The following PWWP2A variants were observed in gnomAD, a reference collection of about 807,000 sequenced individuals.
PWWP2A encodes the protein PWWP domain-containing protein 2A.
Under a neutral mutation model 48.5 loss-of-function variants are expected in PWWP2A, and 18 were observed. The observed-to-expected ratio is 0.37, with a 90% confidence interval of 0.26 to 0.55. The LOEUF (loss-of-function observed/expected upper bound fraction) is 0.55. Among genes scored for constraint, PWWP2A ranks in the 20% least tolerant of loss-of-function variants. The pLI is 0.81. For missense variants in PWWP2A, 867 were observed against 976.4 expected, an observed-to-expected ratio of 0.89 and a Z score of 1.49; for synonymous variants, 396 against 387.7, an observed-to-expected ratio of 1.02 and a Z score of -0.25.
At position 160,118,794 on chromosome 5, in the gene PWWP2A, G is replaced by T; in HGVS notation, c.584+11C>A. 6.9e-7 allele frequency: 1 copy of T among 1,439,810 alleles called. No individual in the cohort carries two copies. The highest frequency in any genetic ancestry group is 9.2e-7 in the Non-Finnish European group (1 of 1,092,238). 89.2% of individuals were successfully genotyped at this position (1,439,810 alleles called of 1,614,324 possible). ...CAGCGGACCGGAGGGTGCTGGGGGC[G>T]GGCGCGGTACCTTTTGGACAGATCC... On this transcript the variant is annotated intron_variant, in intron 1 of 1. Coordinates refer to ENST00000307063, the MANE Select transcript of PWWP2A (RefSeq NM_001130864.2).
At chr5:160,109,660 G>A (rs1757244111) in intron 1 of PWWP2A, among the ~76,000 whole-genome samples, 1 of 150,236 alleles carries the variant, frequency 6.7e-6, no homozygotes, top group African/African-American at 2.4e-5. Context: ...AGGCTTTGAA[G>A]AGAGGCCTTG....
chr5:160,045,510 ACACATACACACTCTCT>A, the PWWP2A span, among the ~76,000 whole-genome samples: 3 of 58,592 alleles, frequency 5.1e-5, no homozygotes, highest in Admixed American at 2.5e-4. Context: ...ACACACACAC[ACACATACACACTCTCT>A]CTCTCTCTCT....
At position 160,094,049 on chromosome 5, in the gene PWWP2A, T is replaced by C. The variant is rs1166757550; in HGVS notation, c.601A>G (p.Ile201Val). 1.2e-6 allele frequency: 2 copies of C among 1,609,416 alleles called. No homozygotes were observed. Among genetic ancestry groups the C allele is most frequent in the East Asian group, 2.2e-5 (1 of 44,796 alleles). ...DLSKRFGPHG[I>V]PVTVFPKREY... ...CTTTTGGGAAATACTGTCACAGGGA[T>C]ACCATGGGGCCCAAACCTTTGAAAG... The change falls in exon 2 of 2, where the codon ATC (isoleucine) becomes GTC (valine). Residue 201 changes from isoleucine (I) to valine (V), a missense_variant. Around this residue, in one of 4 missense-constraint regions of PWWP2A, gnomAD observed 385 missense variants for 396.9 expected, o/e 0.97. Coordinates refer to ENST00000307063, the MANE Select transcript of PWWP2A (RefSeq NM_001130864.2).
chr5:160,093,187 G>A lies in PWWP2A; in HGVS notation c.1463C>T (p.Ser488Phe). 1 of 1,613,952 alleles carries A rather than the reference G, an allele frequency of 6.2e-7. No homozygotes were observed. Residue 488 changes from serine to phenylalanine, a missense_variant, in exon 2 of 2, where the codon TCT (serine) becomes TTT (phenylalanine). By Grantham distance (155) the Ser-to-Phe change is radical. This residue lies in a region of PWWP2A where 382 missense variants were observed against 407.2 expected (regional missense o/e 0.94). Transcript: ENST00000307063. This position sits in a 1 kb window ranked among gnomAD's most constrained non-coding sequence, Gnocchi z 5.8. ...TTTCTCAAGTCCTGTCTTCAGAGAAGAGTCATTTTCTTCATTCCTGTACCT... is the reference window on the plus strand; with the variant it reads ...TTTCTCAAGTCCTGTCTTCAGAGAAAAGTCATTTTCTTCATTCCTGTACCT... Reference protein sequence around the residue: ...PQRYRNEENDSSLKTGLEKMR... With the variant: ...PQRYRNEENDFSLKTGLEKMR...
chr5:160,047,335 C>T, the PWWP2A span, among the ~76,000 whole-genome samples: 2 of 152,162 alleles, frequency 1.3e-5, no homozygotes, highest in African/African-American at 4.8e-5. Flanking sequence ...TAAGTTAAAC[C>T]TTTGGAGTCA....
Position 160,094,639 on chromosome 5 carries a change from A to G in PWWP2A, c.585-574T>C, listed in dbSNP as rs568732161. 2.6e-5 allele frequency among the ~76,000 whole-genome samples: 4 copies of G among 152,336 alleles called. No homozygotes were observed. In the South Asian group the frequency reaches 6.2e-4, roughly 24 times the overall value. On this transcript the variant is annotated intron_variant, in intron 1 of 1. Coordinates refer to ENST00000307063, the MANE Select transcript of PWWP2A (RefSeq NM_001130864.2). ...CTATTCTGTCTCCCAAAACACAAAA[A>G]TATCAAGAACTCAGATACTCAAACT...
At chr5:160,112,945 T>G (rs1317217423) in intron 1 of PWWP2A, among the ~76,000 whole-genome samples, 1 of 152,002 alleles carries the variant, frequency 6.6e-6, no homozygotes, top group Non-Finnish European at 1.5e-5. Context: ...TTACCTGAGG[T>G]CAGGAGTTCG....
At chr5:160,069,005 G>A (rs954325759) in intron 2 of PWWP2A, among the ~76,000 whole-genome samples, 3 of 151,974 alleles carry the variant, frequency 2.0e-5, no homozygotes, top group African/African-American at 7.3e-5. Flanking sequence ...TTTTTTCTCA[G>A]CGGCGCACAG....
In PWWP2A at chr5:160,092,914, C is replaced by T. The variant is rs1362992974; in HGVS notation, c.1736G>A (p.Ser579Asn). The change falls in exon 2 of 2, where the codon AGT (serine) becomes AAT (asparagine). Residue 579 changes from serine (S) to asparagine (N), a missense_variant. This residue lies in a region of PWWP2A where 382 missense variants were observed against 407.2 expected (regional missense o/e 0.94). Coordinates refer to ENST00000307063, the MANE Select transcript of PWWP2A (RefSeq NM_001130864.2). ...GCTATCAATGCTACACACTGAAGCA[C>T]TGGAAGAGTCAGATTTCTTTTGATT... ...TLNQKKSDSS[S>N]ASVCSIDSTD... is the part of the protein sequence containing the mutation. 1.9e-6 allele frequency: 3 copies of T among 1,551,720 alleles called. No individual in the cohort carries two copies. The Admixed American group carries it at 5.9e-5, about 30-fold the overall frequency.
intron 1 of PWWP2A, among the ~76,000 whole-genome samples, chr5:160,101,667 T>TTA (rs1756309949): frequency 1.3e-5 from 2 of 151,712 alleles, no homozygotes; most frequent in Non-Finnish European, 2.9e-5. Context: ...TTTTTTTTTT[T>TTA]ACAATTTCAA....
downstream of PWWP2A, among the ~76,000 whole-genome samples, chr5:160,075,440 TAAC>T (rs1362489004): frequency 6.6e-6 from 1 of 152,186 alleles, no homozygotes; most frequent in East Asian, 1.9e-4. Context: ...TTTTTCCTGA[TAAC>T]CAAGTGTTTC....
At chr5:160,089,684 G>A, downstream of PWWP2A, 1 of 1,279,522 alleles carries the variant, frequency 7.8e-7, no homozygotes, top group South Asian at 1.3e-5. Flanking sequence ...GACATTCTTA[G>A]CTTTCACAAC....
chr5:160,059,208 A>G (rs1757630687), downstream of PWWP2A, among the ~76,000 whole-genome samples: 1 of 152,262 alleles, frequency 6.6e-6, no homozygotes, highest in Admixed American at 6.5e-5. Flanking sequence ...CATCTACACT[A>G]AAAACATGCT....
intron 1 of PWWP2A, among the ~76,000 whole-genome samples, chr5:160,112,123 T>A: frequency 1.8e-5 from 1 of 55,242 alleles, no homozygotes; most frequent in African/African-American, 7.9e-5. Flanking sequence ...CAAGACCCTT[T>A]CTCAAAAAAA....
chr5:160,081,212 T>A (rs1754205930), intron 2 of PWWP2A, among the ~76,000 whole-genome samples: 1 of 151,408 alleles, frequency 6.6e-6, no homozygotes, highest in African/African-American at 2.4e-5. Flanking sequence ...CTGTCCACAC[T>A]ACATAATTAA....
chr5:160,087,825 A>G (rs929509915), downstream of PWWP2A, among the ~76,000 whole-genome samples: 3 of 152,224 alleles, frequency 2.0e-5, no homozygotes, highest in Admixed American at 2.0e-4. Context: ...TCCTGTTTGG[A>G]TCTATAAACG....
At chr5:160,051,290 C>G in the PWWP2A span, 1 of 845,176 alleles carries the variant, frequency 1.2e-6, no homozygotes, top group Non-Finnish European at 1.8e-6. Context: ...TCGGACTCTA[C>G]CACAAGGCTA....
Position 160,077,557 on chromosome 5 carries a change from C to T in PWWP2A, c.*598G>A, listed in dbSNP as rs1039238745. 6.6e-6 allele frequency: 1 copy of T among 152,094 alleles called. No individual in the cohort carries two copies. Among genetic ancestry groups the T allele is most frequent in the African/African-American group, 2.4e-5 (1 of 41,442 alleles). The allele number at this position is 152,094 out of a possible 1,614,324, so 9.4% of individuals were successfully genotyped here. ...CTGCTTTATTAAAGAAGGAAAAGAT[C>T]CAAATTGTGTTTGTGGGGTGGGGCG... On this transcript the variant is annotated 3_prime_UTR_variant, in exon 4 of 4. Coordinates refer to the PWWP2A transcript ENST00000456329. This position sits in a 1 kb window ranked among gnomAD's most constrained non-coding sequence, Gnocchi z 4.2.
chr5:160,063,692 C>G (rs1040681486), intron 4 of PWWP2A: 1 of 152,184 alleles, frequency 6.6e-6, no homozygotes, highest in Admixed American at 6.5e-5. Context: ...AAAATTAAAG[C>G]AGTTTAGAAA....
Sources: gnomAD v4.1 joint callset for allele counts (sites outside exome capture counted in the v4.1 genomes callset) on GRCh38, gnomAD v4.1.1 for gene constraint, gnomAD v4.1.1 regional missense constraint, Gnocchi (gnomAD v3.1) non-coding constraint, MANE v1.5 for transcripts, NCBI Gene and HGNC (gene_info 2026-07-23, HGNC 2026-07-21) for gene names.